The following GPR176 variants were observed in gnomAD, a reference collection of about 807,000 sequenced individuals.
GPR176 encodes the protein G protein-coupled receptor 176.
In GPR176, 26 loss-of-function variants were observed where a neutral mutation model predicts 35.4. The ratio of observed to expected loss-of-function variants is 0.74; its 90% CI spans 0.54 to 1.02. The LOEUF (loss-of-function observed/expected upper bound fraction) is 1.02, where lower values mean the gene tolerates loss of function less well. Ranked by LOEUF, GPR176 falls within the 50% of genes least tolerant of loss-of-function variation. GPR176 has a pLI of 0.00. For synonymous variants in GPR176, 278 were observed against 271.3 expected (o/e 1.02, Z -0.24); for missense variants, 597 against 665.3 (o/e 0.90, Z 1.13).
At chr15:39,897,284 C>T (rs1205468591) in intron 1 of GPR176, among the ~76,000 whole-genome samples, 2 of 152,202 alleles carry the variant, frequency 1.3e-5, no homozygotes, top group Non-Finnish European at 2.9e-5. Context: ...ATCTAGGACA[C>T]AACATGATAC....
At chr15:39,883,445 A>G (rs1242708277) in intron 1 of GPR176, among the ~76,000 whole-genome samples, 1 of 152,208 alleles carries the variant, frequency 6.6e-6, no homozygotes, top group Non-Finnish European at 1.5e-5. Context: ...AATGTACACA[A>G]TTCAAATAGT....
intron 1 of GPR176, among the ~76,000 whole-genome samples, chr15:39,895,166 A>G (rs2033065575): frequency 6.6e-6 from 1 of 151,896 alleles, no homozygotes; most frequent in African/African-American, 2.4e-5. Flanking sequence ...CCGAGATGGC[A>G]GCAGTACAGT....
In GPR176 at chr15:39,801,202, T is replaced by G; in HGVS notation, c.1478A>C (p.Lys493Thr). The G allele has an allele frequency of 6.2e-7, 1 of 1,614,132 alleles. No homozygotes were observed. The highest frequency in any genetic ancestry group is 8.5e-7 in the Non-Finnish European group (1 of 1,179,956). ...CATCTTCCGCTCCACCCTGCCTACC[T>G]TGGGCACCTTTGTCTGGATCAGCTC... ...PEELIQTKVP[K>T]VGRVERKMSR... Residue 493 changes from lysine (K) to threonine (T), a missense_variant, in exon 3 of 3, where the codon AAG becomes ACG. Lys to Thr is a moderately conservative substitution (Grantham distance 78, BLOSUM62 -1). Transcript: ENST00000561100.
At chr15:39,870,381 C>T (rs995615030) in intron 1 of GPR176, among the ~76,000 whole-genome samples, 1 of 152,188 alleles carries the variant, frequency 6.6e-6, no homozygotes, top group Non-Finnish European at 1.5e-5. Context: ...TATAGCAACT[C>T]CATCCATTTC....
At chr15:39,824,472 C>T (rs994119356) in intron 1 of GPR176, among the ~76,000 whole-genome samples, 1 of 152,188 alleles carries the variant, frequency 6.6e-6, no homozygotes. Flanking sequence ...GCACATCAGG[C>T]CTGCCTGGCT....
At chr15:39,893,115 T>C (rs991885433) in intron 1 of GPR176, among the ~76,000 whole-genome samples, 1 of 152,156 alleles carries the variant, frequency 6.6e-6, no homozygotes, top group African/African-American at 2.4e-5. Context: ...TAAATTTATT[T>C]ATTTTTTATT....
intron 1 of GPR176, among the ~76,000 whole-genome samples, chr15:39,896,399 G>A (rs912992637): frequency 6.6e-6 from 1 of 152,012 alleles, no homozygotes; most frequent in Non-Finnish European, 1.5e-5. Flanking sequence ...TGTTTATAAT[G>A]GTCCAACCAA....
chr15:39,833,012 C>G (rs1035102816), intron 1 of GPR176, among the ~76,000 whole-genome samples: 1 of 152,176 alleles, frequency 6.6e-6, no homozygotes. Context: ...CATCTGCACA[C>G]TTAACTTCAT....
At chr15:39,807,534 C>T (rs527516188) in intron 1 of GPR176, 149 of 1,514,114 alleles carry the variant, frequency 9.8e-5, no homozygotes, top group Non-Finnish European at 1.3e-4. Context: ...ATGGCTTAGT[C>T]TCATCAGTGT....
At chr15:39,844,056 A>G (rs1231496843) in intron 1 of GPR176, among the ~76,000 whole-genome samples, 4 of 152,200 alleles carry the variant, frequency 2.6e-5, no homozygotes, top group African/African-American at 9.6e-5. Flanking sequence ...CCTTAATGCC[A>G]CACAATTAGT....
At chr15:39,889,608 T>C (rs28376567) in intron 1 of GPR176, among the ~76,000 whole-genome samples, 35,536 of 136,354 alleles carry the variant, frequency 0.26, 4,938 homozygotes, top group Non-Finnish European at 0.33. Flanking sequence ...TAAAATAAAA[T>C]AAAACAAAAC....
intron 1 of GPR176, among the ~76,000 whole-genome samples, chr15:39,863,855 AAC>A (rs1199578965): frequency 6.6e-6 from 1 of 152,208 alleles, no homozygotes; most frequent in African/African-American, 2.4e-5. Context: ...CTATGGTGTT[AAC>A]ACAGTGATGA....
chr15:39,888,750 C>A (rs1017253141), intron 1 of GPR176, among the ~76,000 whole-genome samples: 7 of 152,220 alleles, frequency 4.6e-5, no homozygotes, highest in African/African-American at 9.7e-5. Context: ...CTTTCCTACC[C>A]ATCTTGAGGA....
chr15:39,860,554 T>C (rs984885461), intron 1 of GPR176, among the ~76,000 whole-genome samples: 9 of 152,184 alleles, frequency 5.9e-5, no homozygotes, highest in East Asian at 5.8e-4. Context: ...TTTTAGAGTG[T>C]CTGTTGAGAA....
Position 39,800,974 on chromosome 15 carries a change from T to C in GPR176, c.*158A>G. 3 of 655,526 alleles carry C rather than the reference T, an allele frequency of 4.6e-6. No homozygotes were observed. Among genetic ancestry groups the C allele is most frequent in the Admixed American group, 2.7e-5 (1 of 37,010 alleles). 40.6% of individuals were successfully genotyped at this position (655,526 alleles called of 1,614,324 possible). A position where few individuals can be genotyped will look rare whatever the true frequency, so the allele number is the denominator to read the frequency against. On this transcript the variant is annotated 3_prime_UTR_variant, in exon 3 of 3. Coordinates refer to ENST00000561100, the MANE Select transcript of GPR176 (RefSeq NM_007223.3). ...TCAATAAAGAGGACACTGGATTTTA[T>C]GTAGATTTCCCTATCATTCAAAAGC... is the stretch of plus-strand genomic sequence containing the variant.
intron 1 of GPR176, among the ~76,000 whole-genome samples, chr15:39,856,686 T>C (rs1012538935): frequency 5.9e-5 from 9 of 152,246 alleles, no homozygotes; most frequent in African/African-American, 2.2e-4. Flanking sequence ...CAATGTCTTT[T>C]AAGACCTAGT....
intron 1 of GPR176, among the ~76,000 whole-genome samples, chr15:39,895,283 GAGAGGA>G (rs2033075449): frequency 2.0e-4 from 2 of 10,222 alleles, no homozygotes; most frequent in South Asian, 5.7e-3. Flanking sequence ...AGACCGTGGG[GAGAGGA>G]AGAGGGGGAG....
At chr15:39,819,937 A>G (rs1325110914) in intron 1 of GPR176, among the ~76,000 whole-genome samples, 1 of 152,244 alleles carries the variant, frequency 6.6e-6, no homozygotes, top group East Asian at 1.9e-4. Flanking sequence ...TGACAATGAC[A>G]TTAATTAAAA....
chr15:39,849,525 C>T (rs79253267), intron 1 of GPR176, among the ~76,000 whole-genome samples: 2,051 of 152,160 alleles, frequency 0.013, 66 homozygotes, highest in African/African-American at 0.047. Flanking sequence ...AAAGTCTTAA[C>T]GAAAGATTAG....
Sources: allele counts gnomAD v4.1 joint callset (sites outside exome capture counted in the v4.1 genomes callset), GRCh38; gene constraint gnomAD v4.1.1; transcripts MANE v1.5; gene names NCBI Gene and HGNC (gene_info 2026-07-23, HGNC 2026-07-21).